The following TENT5D variants were observed in gnomAD, a reference collection of about 807,000 sequenced individuals.
The protein encoded by TENT5D is terminal nucleotidyltransferase 5D.
For synonymous variants in TENT5D, 103 were observed against 100.6 expected (o/e 1.02, Z -0.15); for missense variants, 191 against 287.0 (o/e 0.67, Z 2.42).
At chrX:80,389,328 TC>T in intron 3 of TENT5D, among the ~76,000 whole-genome samples, 1 of 112,230 alleles carries the variant, frequency 8.9e-6, no homozygotes, top group Non-Finnish European at 1.9e-5. Context: ...TGCCTTGGGT[TC>T]TGTAAGCATT....
chrX:80,416,388 G>GTT (rs61167456), upstream of TENT5D, among the ~76,000 whole-genome samples: 3 of 96,546 alleles, frequency 3.1e-5, no homozygotes, highest in Non-Finnish European at 2.1e-5. Context: ...ATGTTAGTTG[G>GTT]TTTTTTTTTT....
At chrX:80,345,414 A>G (rs770717202) in intron 3 of TENT5D, among the ~76,000 whole-genome samples, 1 of 111,592 alleles carries the variant, frequency 9.0e-6, no homozygotes, top group African/African-American at 3.3e-5. Flanking sequence ...AGGTCTTGTA[A>G]CTGGCAAATT....
At chrX:80,428,952 GGGA>G (rs1932033534) in intron 1 of TENT5D, among the ~76,000 whole-genome samples, 1 of 111,683 alleles carries the variant, frequency 9.0e-6, no homozygotes, top group Admixed American at 9.5e-5. Context: ...GCCTGGACTG[GGGA>G]GGAGAACAGA....
intron 2 of TENT5D, among the ~76,000 whole-genome samples, chrX:80,340,527 T>C (rs1929938029): frequency 9.0e-6 from 1 of 111,576 alleles, no homozygotes. Context: ...GAGTGTAGCA[T>C]GCTTTGTAAA....
intron 3 of TENT5D, among the ~76,000 whole-genome samples, chrX:80,354,704 G>A (rs1930249228): frequency 8.9e-6 from 1 of 111,988 alleles, no homozygotes; most frequent in Non-Finnish European, 1.9e-5. Context: ...CTGGTTAAGA[G>A]CCACTGCTGG....
chrX:80,378,927 G>T (rs945269549), intron 3 of TENT5D, among the ~76,000 whole-genome samples: 1 of 109,543 alleles, frequency 9.1e-6, no homozygotes, highest in Non-Finnish European at 1.9e-5. Flanking sequence ...GTGAGAGAAG[G>T]CATCCCAGTC....
intron 3 of TENT5D, among the ~76,000 whole-genome samples, chrX:80,381,250 T>C (rs1428766633): frequency 2.7e-5 from 3 of 112,089 alleles, no homozygotes; most frequent in Non-Finnish European, 5.6e-5. Flanking sequence ...AATTCTGGGT[T>C]GAAACTTCTT....
chrX:80,423,712 A>G lies in TENT5D; in HGVS notation c.-142+3149A>G, dbSNP rs190350119. ...TTTAAAGCATGTTTAGAAAAGAAAAAAAAAAAAGTGCCCACCAGAACCTAC... is the reference window on the plus strand; with the variant it reads ...TTTAAAGCATGTTTAGAAAAGAAAAGAAAAAAAGTGCCCACCAGAACCTAC... On this transcript the variant is annotated intron_variant, in intron 1 of 2. Coordinates refer to ENST00000308293, the Ensembl canonical transcript of TENT5D. Among the ~76,000 whole-genome samples, 476 of 110,742 alleles carry G rather than the reference A, an allele frequency of 4.3e-3. 4 individuals are homozygous for G. Among genetic ancestry groups the G allele is most frequent in the African/African-American group, 0.015 (458 of 30,488 alleles).
chrX:80,341,757 G>A (rs1353045295), intron 2 of TENT5D, among the ~76,000 whole-genome samples: 1 of 100,819 alleles, frequency 9.9e-6, no homozygotes, highest in Admixed American at 1.1e-4. Flanking sequence ...TGTCGCCCAG[G>A]CTGGAGTGCA....
In TENT5D at chrX:80,374,898, T is replaced by TG. The variant is rs202060018; in HGVS notation, c.-142+32340dup. Among the ~76,000 whole-genome samples, 710 of 111,446 alleles carry TG rather than the reference T, an allele frequency of 6.4e-3. 7 individuals are homozygous for TG. Among genetic ancestry groups the TG allele is most frequent in the African/African-American group, 0.021 (661 of 30,774 alleles). On this transcript the variant is annotated intron_variant, in intron 3 of 4. Transcript: ENST00000538312. ...TAAGAAATGCTCTATTGACCATTTT[T>TG]GGGGGGTGTCATGTCAGCTCTCAGA...
At chrX:80,429,109 T>A (rs1202001944) in intron 1 of TENT5D, among the ~76,000 whole-genome samples, 1 of 111,151 alleles carries the variant, frequency 9.0e-6, no homozygotes, top group Non-Finnish European at 1.9e-5. Context: ...TGCTGGATCA[T>A]TTGTGAGACA....
intron 3 of TENT5D, among the ~76,000 whole-genome samples, chrX:80,358,199 A>G (rs1466194779): frequency 9.0e-6 from 1 of 111,465 alleles, no homozygotes; most frequent in African/African-American, 3.3e-5. Context: ...TTAGACCTAA[A>G]ACCATAAAAA....
intron 3 of TENT5D, among the ~76,000 whole-genome samples, chrX:80,350,530 G>A (rs1276757165): frequency 9.1e-6 from 1 of 110,405 alleles, no homozygotes; most frequent in East Asian, 2.8e-4. Flanking sequence ...CTTATTTTGA[G>A]CCTATCTGTG....
intron 3 of TENT5D, among the ~76,000 whole-genome samples, chrX:80,404,241 A>G (rs1457336004): frequency 8.9e-6 from 1 of 112,299 alleles, no homozygotes; most frequent in East Asian, 2.8e-4. Flanking sequence ...AGAGATTTCA[A>G]AAAAAGACAG....
At position 80,342,947 on chromosome X, in the gene TENT5D, A is replaced by ATT. The variant is rs200150103; in HGVS notation, c.-142+393_-142+394dup. 1.4e-4 allele frequency among the ~76,000 whole-genome samples: 15 copies of ATT among 104,243 alleles called. No individual in the cohort carries two copies. The South Asian group carries it at 3.8e-3, about 26-fold the overall frequency. 90.5% of individuals were successfully genotyped at this position (104,243 alleles called of 115,157 possible). On this transcript the variant is annotated intron_variant, in intron 3 of 4. Coordinates refer to the TENT5D transcript ENST00000538312. ...TCTCCTTTCTTATTAGTCTATCTTT[A>ATT]TTTTTTTTTTTACAAATTACCATAT...
At chrX:80,343,921 T>C (rs377569641) in intron 3 of TENT5D, among the ~76,000 whole-genome samples, 12 of 110,867 alleles carry the variant, frequency 1.1e-4, no homozygotes, top group African/African-American at 3.6e-4. Context: ...TAGTACCCAA[T>C]AGGTACTTTT....
At chrX:80,416,640 G>A (rs889295811), upstream of TENT5D, among the ~76,000 whole-genome samples, 3 of 110,326 alleles carry the variant, frequency 2.7e-5, no homozygotes, top group Non-Finnish European at 5.7e-5. Flanking sequence ...GGGGTGGGGG[G>A]TGCTGTGGTC....
intron 3 of TENT5D, among the ~76,000 whole-genome samples, chrX:80,409,560 A>G (rs1931591720): frequency 9.0e-6 from 1 of 110,684 alleles, no homozygotes; most frequent in Admixed American, 9.6e-5. Context: ...GACCTCTTCA[A>G]GCAGAACTAC....
rs761239932 is a variant in TENT5D at position 80,384,283 on chromosome X, TA to T, written c.-142+41722del. 2.6e-4 allele frequency among the ~76,000 whole-genome samples: 25 copies of T among 95,991 alleles called. 1 individual carries two copies. In the South Asian group the frequency reaches 0.013, roughly 51 times the overall value. The allele number at this position is 95,991 out of a possible 115,157, so 83.4% of individuals were successfully genotyped here. On this transcript the variant is annotated intron_variant, in intron 3 of 4. Coordinates refer to the TENT5D transcript ENST00000538312. ...GGCTGGTTCAACATATGCAAATCAA[TA>T]AACATAATCCAGCATATAAACAGAA...
Sources: gnomAD v4.1 joint callset for allele counts (sites outside exome capture counted in the v4.1 genomes callset) on GRCh38, gnomAD v4.1.1 for gene constraint, MANE v1.5 for transcripts, NCBI Gene and HGNC (gene_info 2026-07-23, HGNC 2026-07-21) for gene names.